Variants in S100A8 observed in about 807,000 individuals in gnomAD.
S100A8 encodes the protein protein S100-A8.
Under a neutral mutation model 4.2 loss-of-function variants are expected in S100A8, and 1 was observed. The ratio of observed to expected loss-of-function variants is 0.24; its 90% CI spans 0.08 to 1.12. The LOEUF (loss-of-function observed/expected upper bound fraction) is 1.12, where lower values mean the gene tolerates loss of function less well. S100A8 is among the 50% of genes most tolerant of loss of function. The pLI, the probability that S100A8 is intolerant of heterozygous loss-of-function variation, is 0.53. For synonymous variants in S100A8, 41 were observed against 44.7 expected (o/e 0.92, Z 0.33); for missense variants, 96 against 111.8 (o/e 0.86, Z 0.64).
chr1:153,402,306 C>T, the S100A8 span, among the ~76,000 whole-genome samples: 2 of 152,324 alleles, frequency 1.3e-5, no homozygotes, highest in African/African-American at 4.8e-5. Flanking sequence ...GGGGACACAG[C>T]TAGTAATGCA....
chr1:153,421,197 T>C, the S100A8 span: 1 of 152,346 alleles, frequency 6.6e-6, no homozygotes, highest in East Asian at 1.9e-4. Flanking sequence ...ACTTCTTCTG[T>C]CTCATTAACA....
the S100A8 span, among the ~76,000 whole-genome samples, chr1:153,417,472 C>A: frequency 6.6e-6 from 1 of 152,134 alleles, no homozygotes; most frequent in Non-Finnish European, 1.5e-5. Flanking sequence ...AGGAAGGGCC[C>A]CCTGTCCTCG....
the S100A8 span, among the ~76,000 whole-genome samples, chr1:153,397,037 T>C: frequency 6.6e-6 from 1 of 152,192 alleles, no homozygotes; most frequent in African/African-American, 2.4e-5. Context: ...CCATTGATGG[T>C]TTACTGTCTG....
chr1:153,400,900 G>A, the S100A8 span, among the ~76,000 whole-genome samples: 2 of 152,168 alleles, frequency 1.3e-5, no homozygotes, highest in African/African-American at 4.8e-5. Flanking sequence ...TAACAAATTT[G>A]GTATACCCAT....
intron 1 of S100A8, 197 bp from the exon 2 acceptor site, chr1:153,390,754 A>G (rs1219466818): frequency 4.5e-6 from 3 of 673,612 alleles, no homozygotes; most frequent in African/African-American, 1.8e-5. Context: ...GGAAGGGTCC[A>G]TTCACACAGA....
upstream of S100A8, among the ~76,000 whole-genome samples, chr1:153,395,977 C>T (rs11578443): frequency 0.085 from 12,873 of 152,308 alleles, 638 homozygotes; most frequent in Middle Eastern, 0.12. Context: ...TAGTTCACCC[C>T]TACCCTCACC....
chr1:153,406,242 G>A, the S100A8 span, among the ~76,000 whole-genome samples: 11 of 152,278 alleles, frequency 7.2e-5, no homozygotes, highest in African/African-American at 2.6e-4. Context: ...GGAGTTCTCT[G>A]CACTGGAGGC....
chr1:153,407,082 G>A, the S100A8 span, among the ~76,000 whole-genome samples: 2 of 152,162 alleles, frequency 1.3e-5, no homozygotes, highest in African/African-American at 2.4e-5. Context: ...TCCAACTGAG[G>A]TACCGGGTTC....
At chr1:153,410,084 G>A in the S100A8 span, among the ~76,000 whole-genome samples, 1 of 152,120 alleles carries the variant, frequency 6.6e-6, no homozygotes, top group African/African-American at 2.4e-5. Context: ...AGAAGCAAGA[G>A]CAAACACATT....
the S100A8 span, among the ~76,000 whole-genome samples, chr1:153,415,719 G>T: frequency 8.6e-6 from 1 of 116,354 alleles, no homozygotes; most frequent in Non-Finnish European, 1.9e-5. Context: ...GGGGCGGGGG[G>T]GGCGGGGGTC....
At chr1:153,412,904 T>C in the S100A8 span, among the ~76,000 whole-genome samples, 5 of 152,198 alleles carry the variant, frequency 3.3e-5, no homozygotes, top group South Asian at 6.2e-4. Context: ...AAACATCACA[T>C]GTTCTCACTC....
the S100A8 span, among the ~76,000 whole-genome samples, chr1:153,415,298 A>C: frequency 6.6e-6 from 1 of 152,030 alleles, no homozygotes; most frequent in Non-Finnish European, 1.5e-5. Flanking sequence ...ACAGAGAAGG[A>C]AGTTGAAGAA....
At chr1:153,405,999 G>T in the S100A8 span, among the ~76,000 whole-genome samples, 4 of 152,102 alleles carry the variant, frequency 2.6e-5, no homozygotes, top group Non-Finnish European at 5.9e-5. Flanking sequence ...CCACCCAGAA[G>T]GACCCCAAAC....
chr1:153,414,778 C>G, the S100A8 span, among the ~76,000 whole-genome samples: 1 of 152,212 alleles, frequency 6.6e-6, no homozygotes, highest in African/African-American at 2.4e-5. Context: ...CCCAAAAGAA[C>G]TGAAAGCTTA....
the S100A8 span, among the ~76,000 whole-genome samples, chr1:153,414,243 G>A: frequency 6.6e-6 from 1 of 152,188 alleles, no homozygotes; most frequent in Non-Finnish European, 1.5e-5. Context: ...ATCCATGAAA[G>A]AAATAATTCA....
chr1:153,422,419 A>T, the S100A8 span: 1 of 738,812 alleles, frequency 1.4e-6, no homozygotes, highest in Non-Finnish European at 1.7e-6. Flanking sequence ...AACACATACT[A>T]GAGCAAGAAT....
chr1:153,400,990 G>C, the S100A8 span, among the ~76,000 whole-genome samples: 3 of 152,140 alleles, frequency 2.0e-5, no homozygotes, highest in African/African-American at 7.2e-5. Context: ...GCTGGGGATG[G>C]GGGGCAGACT....
chr1:153,390,331 C>A, intron 2 of S100A8, 64 bp downstream of exon 2: 1 of 1,603,904 alleles, frequency 6.2e-7, no homozygotes, highest in South Asian at 1.1e-5. Flanking sequence ...GCAGGGAGGA[C>A]CGCTGGCCCA....
chr1:153,390,599 T>G lies in S100A8; in HGVS notation c.-22-42A>C, dbSNP rs184072177. The stretch of plus-strand genomic sequence containing the variant: ...TCTGGGGAATCCCATGGCAGGGAAT[T>G]TGCATCTGGCCAGGGCAGTACGCAG... On this transcript the variant is annotated intron_variant, in intron 1 of 2. Coordinates refer to ENST00000368733, the MANE Select transcript of S100A8 (RefSeq NM_002964.5). 8.7e-6 allele frequency: 14 copies of G among 1,606,010 alleles called. No individual in the cohort carries two copies. The East Asian group carries it at 3.1e-4, about 36-fold the overall frequency.
Sources: gnomAD v4.1 joint callset for allele counts (sites outside exome capture counted in the v4.1 genomes callset) on GRCh38, gnomAD v4.1.1 for gene constraint, MANE v1.5 for transcripts, NCBI Gene and HGNC (gene_info 2026-07-23, HGNC 2026-07-21) for gene names.